PDXDC1: variants seen among roughly 807,000 people sequenced by gnomAD.
PDXDC1 encodes the protein pyridoxal-dependent decarboxylase domain-containing protein 1.
A neutral mutation model predicts 100.1 loss-of-function variants in PDXDC1; 42 were observed. The observed-to-expected ratio is 0.42, with a 90% CI of 0.33 to 0.54. PDXDC1 has a LOEUF of 0.54. PDXDC1 is among the 20% of genes least tolerant of loss of function. The pLI is 0.10. For missense variants in PDXDC1, 636 were observed against 979.2 expected, an observed-to-expected ratio of 0.65 and a Z score of 4.68; for synonymous variants, 260 against 371.7, an observed-to-expected ratio of 0.70 and a Z score of 3.46.
chr16:15,142,374 T>C (rs1010220700), downstream of PDXDC1, among the ~76,000 whole-genome samples: 1 of 152,124 alleles, frequency 6.6e-6, no homozygotes, highest in African/African-American at 2.4e-5. Flanking sequence ...GGCTGGCTCC[T>C]TCTCCCGGCC....
intron 16 of PDXDC1, among the ~76,000 whole-genome samples, chr16:15,048,289 T>C (rs1261980340): frequency 1.3e-5 from 2 of 152,220 alleles, no homozygotes; most frequent in South Asian, 2.1e-4. Context: ...GAGAAAACGA[T>C]GCGGTTCTGC....
intron 16 of PDXDC1, chr16:15,135,804 C>T (rs1039434979): frequency 1.3e-5 from 20 of 1,524,882 alleles, no homozygotes; most frequent in South Asian, 3.4e-5. Flanking sequence ...ACCAGGCGCT[C>T]AGGGGCCACC....
At chr16:15,116,577 A>C (rs1047046951) in intron 16 of PDXDC1, among the ~76,000 whole-genome samples, 1 of 115,512 alleles carries the variant, frequency 8.7e-6, no homozygotes, top group Non-Finnish European at 1.8e-5. Context: ...TAATTCCATT[A>C]GACTCTTATG....
At chr16:14,997,227 G>C (rs1343700385) in intron 1 of PDXDC1, among the ~76,000 whole-genome samples, 6 of 152,222 alleles carry the variant, frequency 3.9e-5, no homozygotes, top group Admixed American at 3.3e-4. Context: ...TGTACACATG[G>C]CACTAAAATT....
the PDXDC1 span, among the ~76,000 whole-genome samples, chr16:15,144,628 T>C: frequency 6.6e-6 from 1 of 152,164 alleles, no homozygotes; most frequent in Non-Finnish European, 1.5e-5. Context: ...ATTCTGTCCT[T>C]ACAGATCCCT....
At chr16:15,136,368 T>C (rs969713344) in intron 16 of PDXDC1, among the ~76,000 whole-genome samples, 2 of 152,054 alleles carry the variant, frequency 1.3e-5, no homozygotes, top group Non-Finnish European at 2.9e-5. Context: ...CCCAGGAGTG[T>C]CCGGAGGCTG....
chr16:14,977,269 CTTTTTTTTTTTTTTTTTTT>C (rs5816116), intron 1 of PDXDC1, among the ~76,000 whole-genome samples: 3 of 95,044 alleles, frequency 3.2e-5, no homozygotes, highest in Admixed American at 1.4e-4. Context: ...ATGGGACTTA[CTTTTTTTTTTTTTTTTTTT>C]TTTTTTTTTG....
At chr16:14,998,499 C>T (rs576523775) in intron 3 of PDXDC1, 94 bp downstream of exon 3, 117 of 1,391,954 alleles carry the variant, frequency 8.4e-5, no homozygotes, top group Middle Eastern at 5.5e-4. Context: ...GGATGGTGTG[C>T]AGTGGCACAA....
downstream of PDXDC1, among the ~76,000 whole-genome samples, chr16:15,140,782 T>G (rs902689709): frequency 6.6e-6 from 1 of 151,836 alleles, no homozygotes. Context: ...CCGCCCACCC[T>G]GGGCACCCCT....
chr16:15,071,398 G>A, intron 16 of PDXDC1: 1 of 782,732 alleles, frequency 1.3e-6, no homozygotes, highest in Non-Finnish European at 2.0e-6. Context: ...AAAACACATT[G>A]AGAGAATATC....
At chr16:15,056,294 A>C (rs761752943) in intron 16 of PDXDC1, among the ~76,000 whole-genome samples, 17 of 152,208 alleles carry the variant, frequency 1.1e-4, no homozygotes, top group Admixed American at 7.8e-4. Context: ...AGGAGCGGGG[A>C]AAGGAGAGCT....
chr16:15,036,655 A>G lies in PDXDC1; in HGVS notation c.*380A>G. ...AAACAGCTTTTCATTAGCACTCTCC[A>G]GGTTCTCTGCAACACTTCACAGAGG... On this transcript the variant is annotated 3_prime_UTR_variant, in exon 23 of 23. Transcript: ENST00000396410. The G allele has an allele frequency of 1.7e-5, 4 of 236,008 alleles. No individual in the cohort carries two copies. The highest frequency in any genetic ancestry group is 1.0e-4 in the Admixed American group (2 of 19,646). 14.6% of individuals were successfully genotyped at this position (236,008 alleles called of 1,614,324 possible). A position where few individuals can be genotyped will look rare whatever the true frequency, so the allele number is the denominator to read the frequency against.
chr16:15,149,959 C>T, the PDXDC1 span, among the ~76,000 whole-genome samples: 2 of 152,088 alleles, frequency 1.3e-5, no homozygotes, highest in African/African-American at 4.8e-5. Context: ...AGGTGGCACC[C>T]CCAAGACACA....
At chr16:15,094,734 C>G (rs1259320726) in intron 16 of PDXDC1, 1 of 162,956 alleles carries the variant, frequency 6.1e-6, no homozygotes, top group Admixed American at 6.5e-5. Context: ...CGGAAACGAG[C>G]TCGACGAAGT....
chr16:15,124,769 C>T (rs896356721), intron 16 of PDXDC1, among the ~76,000 whole-genome samples: 2 of 150,934 alleles, frequency 1.3e-5, no homozygotes, highest in Non-Finnish European at 3.0e-5. Context: ...GAGACTCTGT[C>T]TCAAAAACAG....
At chr16:15,047,539 T>C in intron 16 of PDXDC1, 1 of 1,613,054 alleles carries the variant, frequency 6.2e-7, no homozygotes, top group Non-Finnish European at 8.5e-7. Context: ...GTCAAGCAGG[T>C]GGCCCCATTA....
downstream of PDXDC1, among the ~76,000 whole-genome samples, chr16:15,140,447 CAAAAAAAAAAAA>C (rs888007915): frequency 7.7e-5 from 3 of 39,080 alleles, no homozygotes; most frequent in African/African-American, 2.9e-4. Flanking sequence ...AGCTCCATCT[CAAAAAAAAAAAA>C]AAAAAAAAGA....
At chr16:15,131,406 G>C (rs1055633267) in intron 16 of PDXDC1, 1 of 1,605,078 alleles carries the variant, frequency 6.2e-7, no homozygotes, top group East Asian at 2.2e-5. Flanking sequence ...GCTGCACCAC[G>C]TCACTGAGGT....
intron 16 of PDXDC1, among the ~76,000 whole-genome samples, chr16:15,132,046 G>A (rs1469112925): frequency 9.1e-5 from 1 of 11,044 alleles, no homozygotes; most frequent in African/African-American, 4.5e-4. Flanking sequence ...GGAGGATAAG[G>A]GGGATAAGAA....
Sources: gnomAD v4.1 joint callset for allele counts (sites outside exome capture counted in the v4.1 genomes callset) on GRCh38, gnomAD v4.1.1 for gene constraint, MANE v1.5 for transcripts, NCBI Gene and HGNC (gene_info 2026-07-23, HGNC 2026-07-21) for gene names.